The following TASP1 variants were observed in gnomAD, a reference collection of about 807,000 sequenced individuals.
TASP1 encodes threonine aspartase 1.
A neutral mutation model predicts 56.6 loss-of-function variants in TASP1; 16 were observed. The observed-to-expected ratio is 0.28, with a 90% CI of 0.19 to 0.43. TASP1 has a LOEUF of 0.43. Among genes scored for constraint, TASP1 ranks in the 20% least tolerant of loss-of-function variants. The pLI, the probability that TASP1 is intolerant of heterozygous loss-of-function variation, is 1.00. For missense variants in TASP1, 393 were observed against 511.6 expected (o/e 0.77, Z 2.24); for synonymous variants, 179 against 184.2 (o/e 0.97, Z 0.23).
chr20:13,330,960 T>G, the TASP1 span, among the ~76,000 whole-genome samples: 1 of 152,150 alleles, frequency 6.6e-6, no homozygotes, highest in African/African-American at 2.4e-5. Context: ...AGCTTTTGGT[T>G]TAATGGATTT....
At chr20:13,270,821 C>T in the TASP1 span, 6 of 1,374,858 alleles carry the variant, frequency 4.4e-6, no homozygotes, top group Admixed American at 2.0e-5. Flanking sequence ...GTGGAAACTG[C>T]TGCCTTACCT....
the TASP1 span, among the ~76,000 whole-genome samples, chr20:13,180,014 C>A: frequency 6.6e-6 from 1 of 152,272 alleles, no homozygotes; most frequent in East Asian, 1.9e-4. Flanking sequence ...CTGCCCTTCT[C>A]TGAAGTCATC....
At chr20:13,615,343 A>T (rs774399813) in intron 4 of TASP1, among the ~76,000 whole-genome samples, 3 of 152,152 alleles carry the variant, frequency 2.0e-5, no homozygotes, top group Non-Finnish European at 2.9e-5. Flanking sequence ...CTACCTGGCA[A>T]TGGGAATGGC....
chr20:13,189,023 C>T, the TASP1 span, among the ~76,000 whole-genome samples: 1 of 152,196 alleles, frequency 6.6e-6, no homozygotes, highest in African/African-American at 2.4e-5. Flanking sequence ...ACTTCTGATT[C>T]CTGTATGTCA....
intron 4 of TASP1, among the ~76,000 whole-genome samples, chr20:13,622,594 G>A (rs2048753317): frequency 6.6e-6 from 1 of 152,128 alleles, no homozygotes; most frequent in Non-Finnish European, 1.5e-5. Context: ...ATTTTCACAA[G>A]GAAAGGCATG....
At chr20:13,290,641 G>C in the TASP1 span, among the ~76,000 whole-genome samples, 2 of 152,198 alleles carry the variant, frequency 1.3e-5, no homozygotes, top group Middle Eastern at 3.4e-3. Context: ...CCGGGCGACA[G>C]AGCAAGACTC....
the TASP1 span, among the ~76,000 whole-genome samples, chr20:13,173,826 G>A: frequency 2.6e-5 from 4 of 152,160 alleles, no homozygotes; most frequent in African/African-American, 7.2e-5. Flanking sequence ...CACTTTCACA[G>A]GGTAATAGCC....
chr20:13,325,243 T>G, the TASP1 span, among the ~76,000 whole-genome samples: 1 of 152,324 alleles, frequency 6.6e-6, no homozygotes, highest in Non-Finnish European at 1.5e-5. Flanking sequence ...ACTTATCTTT[T>G]GTTCCCATCA....
At chr20:13,465,965 T>C (rs1028239792) in intron 11 of TASP1, among the ~76,000 whole-genome samples, 11 of 152,042 alleles carry the variant, frequency 7.2e-5, no homozygotes, top group Non-Finnish European at 8.8e-5. Context: ...TAAAACTGCA[T>C]AGAACTAAAT....
chr20:13,386,113 T>C (rs1001426366), downstream of TASP1, among the ~76,000 whole-genome samples: 4 of 152,226 alleles, frequency 2.6e-5, no homozygotes, highest in Non-Finnish European at 4.4e-5. Context: ...AGCATTGTCA[T>C]AGATTTCCCC....
At chr20:13,249,467 A>G in the TASP1 span, among the ~76,000 whole-genome samples, 1 of 152,236 alleles carries the variant, frequency 6.6e-6, no homozygotes, top group East Asian at 1.9e-4. Context: ...TCTCCAGCAA[A>G]GTAGTGATGT....
the TASP1 span, among the ~76,000 whole-genome samples, chr20:13,334,952 G>A: frequency 6.6e-6 from 1 of 152,198 alleles, no homozygotes; most frequent in Admixed American, 6.5e-5. Context: ...AAAGCAAAGG[G>A]AAAACCAAAT....
the TASP1 span, among the ~76,000 whole-genome samples, chr20:13,254,633 C>T: frequency 3.3e-5 from 5 of 152,150 alleles, no homozygotes; most frequent in African/African-American, 1.2e-4. Flanking sequence ...TATATTCTCT[C>T]TCTGGGCAAA....
At chr20:13,430,242 C>T (rs1025168025) in intron 12 of TASP1, among the ~76,000 whole-genome samples, 5 of 152,216 alleles carry the variant, frequency 3.3e-5, no homozygotes, top group African/African-American at 9.6e-5. Context: ...TAGTTATCTA[C>T]TGCTACGTAA....
the TASP1 span, among the ~76,000 whole-genome samples, chr20:13,343,694 G>A: frequency 2.6e-5 from 4 of 151,980 alleles, no homozygotes; most frequent in Non-Finnish European, 4.4e-5. Context: ...CGGGACTCAG[G>A]GAATTGGGCG....
At chr20:13,564,513 C>T (rs879150752) in intron 7 of TASP1, among the ~76,000 whole-genome samples, 2 of 149,912 alleles carry the variant, frequency 1.3e-5, no homozygotes, top group Non-Finnish European at 3.0e-5. Context: ...CTACTAAAAG[C>T]AATCTACAGA....
intron 10 of TASP1, among the ~76,000 whole-genome samples, chr20:13,497,613 C>T (rs2043781313): frequency 6.6e-6 from 1 of 152,102 alleles, no homozygotes; most frequent in Non-Finnish European, 1.5e-5. Flanking sequence ...AATAGTAAGA[C>T]TTGACACTAC....
intron 10 of TASP1, among the ~76,000 whole-genome samples, chr20:13,521,902 A>T (rs1248863905): frequency 6.6e-6 from 1 of 152,192 alleles, no homozygotes; most frequent in Admixed American, 6.5e-5. Context: ...GGAGACAGGA[A>T]ATGTTGGCTG....
chr20:13,298,211 T>C, the TASP1 span, among the ~76,000 whole-genome samples: 1 of 152,354 alleles, frequency 6.6e-6, no homozygotes, highest in African/African-American at 2.4e-5. Context: ...GTTCAAGCGA[T>C]TCTCCTGCCT....
Sources: gnomAD v4.1 joint callset for allele counts (sites outside exome capture counted in the v4.1 genomes callset) on GRCh38, gnomAD v4.1.1 for gene constraint, MANE v1.5 for transcripts, NCBI Gene and HGNC (gene_info 2026-07-23, HGNC 2026-07-21) for gene names.